The following ZBTB16 variants were observed in gnomAD, a reference collection of about 807,000 sequenced individuals.
The protein encoded by ZBTB16 is zinc finger and BTB domain-containing protein 16.
ZBTB16 carries 8 observed loss-of-function variants against 56.8 expected under a neutral mutation model. That is an observed-to-expected ratio of 0.14 (90% CI 0.08 to 0.25). ZBTB16 has a LOEUF of 0.25. Ranked by LOEUF, ZBTB16 falls within the 10% of genes least tolerant of loss-of-function variation. ZBTB16 has a pLI of 1.00. For missense variants in ZBTB16, 625 were observed against 903.0 expected, an observed-to-expected ratio of 0.69 and a Z score of 3.95; for synonymous variants, 363 against 368.5, an observed-to-expected ratio of 0.98 and a Z score of 0.17.
At chr11:114,245,289 G>A (rs890540752) in intron 5 of ZBTB16, among the ~76,000 whole-genome samples, 2 of 152,204 alleles carry the variant, frequency 1.3e-5, no homozygotes, top group Admixed American at 6.5e-5. Flanking sequence ...TGAGGGACTC[G>A]CTGGCCGAGC....
intron 2 of ZBTB16, among the ~76,000 whole-genome samples, chr11:114,065,614 C>A (rs1271110744): frequency 6.6e-6 from 1 of 152,170 alleles, no homozygotes; most frequent in Non-Finnish European, 1.5e-5. Flanking sequence ...CGGGCTTTCA[C>A]CGTGTTGGTC....
intron 3 of ZBTB16, among the ~76,000 whole-genome samples, chr11:114,181,867 C>T (rs890009426): frequency 1.3e-5 from 2 of 152,178 alleles, no homozygotes; most frequent in African/African-American, 2.4e-5. Flanking sequence ...TCTCCCACCT[C>T]CATGTCACTC....
At position 114,085,362 on chromosome 11, in the gene ZBTB16, A is replaced by G. The variant is rs1439125239; in HGVS notation, c.1268+20794A>G. ...AAACAGTGAGGCCTTAGCCATAGGTATTCAATTCAAAAAGCATTTACTGAG... is the reference window on the plus strand; with the variant it reads ...AAACAGTGAGGCCTTAGCCATAGGTGTTCAATTCAAAAAGCATTTACTGAG... On this transcript the variant is annotated intron_variant, in intron 2 of 6. Coordinates refer to ENST00000335953, the MANE Select transcript of ZBTB16 (RefSeq NM_006006.6). Among the ~76,000 whole-genome samples the G allele has an allele frequency of 2.0e-5, 3 of 152,318 alleles. No homozygotes were observed. The East Asian group carries it at 5.8e-4, about 29-fold the overall frequency.
chr11:114,156,497 C>A, intron 3 of ZBTB16, 63 bp downstream of exon 3: 1 of 1,510,972 alleles, frequency 6.6e-7, no homozygotes, highest in Non-Finnish European at 9.2e-7. Flanking sequence ...TTGCCTTTAC[C>A]CCTCCTCAGA....
chr11:114,141,867 A>G (rs1033587787), intron 2 of ZBTB16, among the ~76,000 whole-genome samples: 3 of 152,260 alleles, frequency 2.0e-5, no homozygotes, highest in Non-Finnish European at 2.9e-5. Flanking sequence ...ATAAGGCATG[A>G]AAATGCGCAG....
chr11:114,216,340 G>T (rs925377462), intron 4 of ZBTB16, among the ~76,000 whole-genome samples: 1 of 152,184 alleles, frequency 6.6e-6, no homozygotes, highest in Non-Finnish European at 1.5e-5. Context: ...TCTTACCTCT[G>T]CTGGCCTTGT....
chr11:114,124,559 A>G (rs1160140772), intron 2 of ZBTB16, among the ~76,000 whole-genome samples: 1 of 109,684 alleles, frequency 9.1e-6, no homozygotes, highest in Non-Finnish European at 1.8e-5. Context: ...AAAAAAACCA[A>G]AAAAAAAAAA....
At chr11:114,229,040 A>C (rs1460115157) in intron 4 of ZBTB16, among the ~76,000 whole-genome samples, 1 of 152,158 alleles carries the variant, frequency 6.6e-6, no homozygotes, top group East Asian at 1.9e-4. Context: ...AGTAACACCC[A>C]CACACACACT....
At chr11:114,225,798 C>T (rs752807199) in intron 4 of ZBTB16, among the ~76,000 whole-genome samples, 6 of 152,200 alleles carry the variant, frequency 3.9e-5, no homozygotes, top group Admixed American at 6.5e-5. Flanking sequence ...CCCTTCTTCA[C>T]CCAGCCACTG....
chr11:114,245,068 G>A (rs1397725843), intron 5 of ZBTB16, among the ~76,000 whole-genome samples: 1 of 152,194 alleles, frequency 6.6e-6, no homozygotes, highest in South Asian at 2.1e-4. Flanking sequence ...GCAGACACAC[G>A]GAGAGAGTGG....
intron 4 of ZBTB16, among the ~76,000 whole-genome samples, chr11:114,194,058 G>C (rs1943555716): frequency 6.6e-6 from 1 of 152,166 alleles, no homozygotes; most frequent in African/African-American, 2.4e-5. Context: ...AGAGGTCATT[G>C]AGTTCATGGC....
At position 114,247,385 on chromosome 11, in the gene ZBTB16, G is replaced by T; in HGVS notation, c.1792+20G>T. On this transcript the variant is annotated intron_variant, in intron 6 of 6. Transcript: ENST00000335953. ...ACACAGGTACCGAAGGCCAGGGAGG[G>T]GCCTGAGCTGGCTCTGGGACCTGGG... 1 of 1,614,008 alleles carries T rather than the reference G, an allele frequency of 6.2e-7. No individual in the cohort carries two copies. The highest frequency in any genetic ancestry group is 8.5e-7 in the Non-Finnish European group (1 of 1,179,876).
intron 2 of ZBTB16, among the ~76,000 whole-genome samples, chr11:114,095,033 C>G (rs1396606262): frequency 1.3e-5 from 2 of 152,204 alleles, no homozygotes. Flanking sequence ...CATAAAGCTG[C>G]CTGCAAACGT....
chr11:114,123,311 A>C (rs1427218158), intron 2 of ZBTB16, among the ~76,000 whole-genome samples: 1 of 152,138 alleles, frequency 6.6e-6, no homozygotes, highest in African/African-American at 2.4e-5. Context: ...AATGGATCTC[A>C]TTGGCTCCCC....
intron 4 of ZBTB16, among the ~76,000 whole-genome samples, chr11:114,213,488 T>C (rs1944036430): frequency 6.6e-6 from 1 of 152,122 alleles, no homozygotes; most frequent in Non-Finnish European, 1.5e-5. Flanking sequence ...GGCACCACTG[T>C]GAAAAAGGTG....
chr11:114,133,654 C>G (rs558602051), intron 2 of ZBTB16, among the ~76,000 whole-genome samples: 45 of 152,192 alleles, frequency 3.0e-4, no homozygotes, highest in Non-Finnish European at 5.1e-4. Flanking sequence ...AAAATTGGGC[C>G]TCAGTGGTCT....
intron 2 of ZBTB16, among the ~76,000 whole-genome samples, chr11:114,148,882 G>A (rs1011700059): frequency 2.0e-4 from 31 of 151,732 alleles, no homozygotes; most frequent in Non-Finnish European, 4.4e-4. Context: ...GTGTGTGTGT[G>A]TGTGTGTGTG....
intron 2 of ZBTB16, among the ~76,000 whole-genome samples, chr11:114,117,292 C>T (rs936897308): frequency 6.6e-6 from 1 of 151,996 alleles, no homozygotes; most frequent in African/African-American, 2.4e-5. Context: ...AGAAGCCGAC[C>T]TTTTATTCTG....
At chr11:114,114,024 G>T (rs960430773) in intron 2 of ZBTB16, among the ~76,000 whole-genome samples, 1 of 152,174 alleles carries the variant, frequency 6.6e-6, no homozygotes, top group Non-Finnish European at 1.5e-5. Context: ...GGGTGGTAGG[G>T]ATAAAAACTC....
Sources: allele counts gnomAD v4.1 joint callset (sites outside exome capture counted in the v4.1 genomes callset), GRCh38; gene constraint gnomAD v4.1.1; transcripts MANE v1.5; gene names NCBI Gene and HGNC (gene_info 2026-07-23, HGNC 2026-07-21).